Variants in PDE5A observed in about 807,000 individuals in gnomAD.
PDE5A encodes the protein phosphodiesterase 5A, also known as cGMP-specific 3',5'-cyclic phosphodiesterase.
Under a neutral mutation model 110.2 loss-of-function variants are expected in PDE5A, and 67 were observed. The observed-to-expected ratio is 0.61, with a 90% CI of 0.50 to 0.75. The LOEUF (loss-of-function observed/expected upper bound fraction) is 0.75. PDE5A is among the 30% of genes least tolerant of loss of function. The pLI, the probability that PDE5A is intolerant of heterozygous loss-of-function variation, is 0.00. For missense variants in PDE5A, 862 were observed against 1,045.1 expected (o/e 0.82, Z 2.42); for synonymous variants, 328 against 351.2 (o/e 0.93, Z 0.74).
At chr4:119,567,233 G>C (rs1727974242) in intron 3 of PDE5A, 89 bp from the exon 4 acceptor site, 1 of 949,288 alleles carries the variant, frequency 1.1e-6, no homozygotes, top group South Asian at 1.4e-5. Flanking sequence ...AAGATATCCT[G>C]CATGTGCTTT....
chr4:119,517,536 G>A (rs1725954304), intron 14 of PDE5A, among the ~76,000 whole-genome samples: 1 of 150,354 alleles, frequency 6.7e-6, no homozygotes, highest in African/African-American at 2.4e-5. Context: ...CTGCTTTGTG[G>A]TGTGTGTGTG....
chr4:119,549,065 G>A (rs568675827), intron 9 of PDE5A: 1 of 152,146 alleles, frequency 6.6e-6, no homozygotes, highest in African/African-American at 2.4e-5. Flanking sequence ...ACACACAGAT[G>A]AGCAGCTTAT....
intron 19 of PDE5A, 158 bp downstream of exon 19, chr4:119,502,423 T>A (rs1453425665): frequency 3.9e-6 from 2 of 515,148 alleles, no homozygotes; most frequent in African/African-American, 3.9e-5. Flanking sequence ...TTGCTTTCTG[T>A]AATGAACATG....
At chr4:119,553,835 C>A in intron 7 of PDE5A, 89 bp from the exon 8 acceptor site, 1 of 698,960 alleles carries the variant, frequency 1.4e-6, no homozygotes, top group Non-Finnish European at 2.5e-6. Flanking sequence ...GAGAAAAATA[C>A]CAGCCTTAAA....
At chr4:119,608,040 A>T (rs1729602758) in intron 1 of PDE5A, among the ~76,000 whole-genome samples, 1 of 152,204 alleles carries the variant, frequency 6.6e-6, no homozygotes. Context: ...GCTTGCTACT[A>T]TGCCTATTTT....
chr4:119,519,169 G>C (rs1726025803), intron 13 of PDE5A, 30 bp from the exon 14 acceptor site: 1 of 1,512,662 alleles, frequency 6.6e-7, no homozygotes, highest in South Asian at 1.1e-5. Flanking sequence ...GGAGGAAAGA[G>C]AGAACAAATA....
intron 3 of PDE5A, among the ~76,000 whole-genome samples, chr4:119,581,731 G>T (rs948864939): frequency 3.3e-5 from 5 of 152,214 alleles, no homozygotes; most frequent in African/African-American, 1.2e-4. Context: ...CAGAGATATT[G>T]TGGGTTTGGT....
intron 11 of PDE5A, among the ~76,000 whole-genome samples, chr4:119,534,617 G>C (rs1726668980): frequency 6.6e-6 from 1 of 152,106 alleles, no homozygotes; most frequent in African/African-American, 2.4e-5. Flanking sequence ...TTACAGTTCA[G>C]TGATAGTGGT....
At chr4:119,611,717 TTCAG>T (rs1729754254) in intron 1 of PDE5A, among the ~76,000 whole-genome samples, 1 of 152,252 alleles carries the variant, frequency 6.6e-6, no homozygotes, top group Non-Finnish European at 1.5e-5. Context: ...ATGTAGCATA[TTCAG>T]TCAGTCAATC....
intron 9 of PDE5A, chr4:119,549,899 T>A (rs950250229): frequency 1.3e-5 from 2 of 152,144 alleles, no homozygotes; most frequent in African/African-American, 4.8e-5. Context: ...TCCATCTAAA[T>A]GTCAGTAATG....
In PDE5A at chr4:119,607,192, A is replaced by T. The variant is rs569895959; in HGVS notation, c.258T>A (p.Ser86Arg). Residue 86 changes from serine to arginine, a missense_variant, in exon 2 of 21, where the codon AGT becomes AGA. Coordinates refer to ENST00000354960, the MANE Select transcript of PDE5A (RefSeq NM_001083.4). ...CAGGGGCACTGTTATCTGCACGAGG[A>T]CTCTGCTGCAAGGGACAAGAGCAAG... ...TESCSCPLQQ[S>R]PRADNSAPGT... The T allele has an allele frequency of 6.2e-7, 1 of 1,613,954 alleles. No individual in the cohort carries two copies. Among genetic ancestry groups the T allele is most frequent in the South Asian group, 1.1e-5 (1 of 91,066 alleles).
chr4:119,507,432 T>A (rs781231903), intron 16 of PDE5A, among the ~76,000 whole-genome samples, 172 bp downstream of exon 16: 4 of 151,976 alleles, frequency 2.6e-5, no homozygotes, highest in Non-Finnish European at 4.4e-5. Context: ...TTCAGCAGTA[T>A]AAGCCAAAGG....
intron 17 of PDE5A, among the ~76,000 whole-genome samples, chr4:119,505,338 T>C (rs192716198): frequency 1.4e-4 from 22 of 152,104 alleles, no homozygotes; most frequent in Non-Finnish European, 2.5e-4. Flanking sequence ...ATCTTTATTA[T>C]ACACTATATG....
intron 1 of PDE5A, among the ~76,000 whole-genome samples, chr4:119,608,704 A>G (rs1729629353): frequency 6.6e-6 from 1 of 152,194 alleles, no homozygotes. Flanking sequence ...GGATATTTCA[A>G]ATAATTTGCC....
chr4:119,589,971 A>T (rs773304627), intron 3 of PDE5A, among the ~76,000 whole-genome samples: 11 of 152,196 alleles, frequency 7.2e-5, no homozygotes, highest in Non-Finnish European at 1.2e-4. Flanking sequence ...TTAAGTGCTT[A>T]CTGCAGAGTC....
At position 119,498,444 on chromosome 4, in the gene PDE5A, A is replaced by T; in HGVS notation, c.*157T>A. The T allele has an allele frequency of 1.4e-6, 1 of 707,062 alleles. No individual in the cohort carries two copies. 43.8% of individuals were successfully genotyped at this position (707,062 alleles called of 1,614,324 possible). A position where few individuals can be genotyped will look rare whatever the true frequency, so the allele number is the denominator to read the frequency against. ...AAATATGTAATAGTCCTCTAAAAAC[A>T]TTCATGCTATACTCTCAAAAGTTGT... is the stretch of plus-strand genomic sequence containing the variant. On this transcript the variant is annotated 3_prime_UTR_variant, in exon 21 of 21. Coordinates refer to ENST00000354960, the MANE Select transcript of PDE5A (RefSeq NM_001083.4).
chr4:119,588,365 A>T (rs112381171), intron 3 of PDE5A, among the ~76,000 whole-genome samples: 4,321 of 151,850 alleles, frequency 0.028, 86 homozygotes, highest in South Asian at 0.07. Context: ...TTTCGTAGAG[A>T]CAGGTTTCAC....
intron 3 of PDE5A, among the ~76,000 whole-genome samples, chr4:119,573,241 A>G (rs1417364509): frequency 1.3e-5 from 2 of 152,202 alleles, no homozygotes; most frequent in South Asian, 4.1e-4. Context: ...GCACATGTGC[A>G]GCAACTTCTC....
At chr4:119,505,957 T>TA (rs1725539402) in intron 16 of PDE5A, 25 bp from the exon 17 acceptor site, 2 of 1,363,454 alleles carry the variant, frequency 1.5e-6, no homozygotes, top group South Asian at 2.6e-5. Flanking sequence ...AAAAAATTGT[T>TA]AGTTATAATG....
Sources: allele counts gnomAD v4.1 joint callset (sites outside exome capture counted in the v4.1 genomes callset), GRCh38; gene constraint gnomAD v4.1.1; transcripts MANE v1.5; gene names NCBI Gene and HGNC (gene_info 2026-07-23, HGNC 2026-07-21).